Variants in TPP2 observed in about 807,000 individuals in gnomAD.
The protein encoded by TPP2 is tripeptidyl peptidase 2.
TPP2 carries 34 observed loss-of-function variants against 155.9 expected under a neutral mutation model. The ratio of observed to expected loss-of-function variants is 0.22; its 90% CI spans 0.17 to 0.29. The LOEUF is 0.29. Among genes scored for constraint, TPP2 ranks in the 10% least tolerant of loss-of-function variants. The pLI is 1.00. For synonymous variants in TPP2, 510 were observed against 529.4 expected (o/e 0.96, Z 0.50); for missense variants, 1,028 against 1,522.3 (o/e 0.68, Z 5.40).
chr13:102,662,472 C>T (rs1884298061), intron 25 of TPP2, among the ~76,000 whole-genome samples: 1 of 152,066 alleles, frequency 6.6e-6, no homozygotes, highest in Non-Finnish European at 1.5e-5. Context: ...AAATTATTAG[C>T]ATTCCCTAGC....
At chr13:102,606,455 G>T (rs1879838870) in intron 2 of TPP2, among the ~76,000 whole-genome samples, 1 of 152,196 alleles carries the variant, frequency 6.6e-6, no homozygotes, top group Non-Finnish European at 1.5e-5. Context: ...AGGCTCAGCT[G>T]AGGCTCAGGC....
chr13:102,626,979 T>C, intron 6 of TPP2, 33 bp from the exon 7 acceptor site: 1 of 1,483,920 alleles, frequency 6.7e-7, no homozygotes, highest in East Asian at 2.5e-5. Flanking sequence ...TCCATGAGAA[T>C]GTTTTGTCAT....
chr13:102,666,604 A>G (rs1159844553), intron 27 of TPP2, among the ~76,000 whole-genome samples: 1 of 152,034 alleles, frequency 6.6e-6, no homozygotes, highest in Non-Finnish European at 1.5e-5. Context: ...TTTTGTGAAA[A>G]TAATATGATT....
chr13:102,665,049 T>A, intron 27 of TPP2, 124 bp downstream of exon 27: 2 of 1,214,168 alleles, frequency 1.6e-6, no homozygotes, highest in Non-Finnish European at 2.3e-6. Flanking sequence ...TAATGGGAAT[T>A]ATCACTATTT....
At chr13:102,606,621 C>T (rs988504269) in intron 2 of TPP2, among the ~76,000 whole-genome samples, 1 of 152,214 alleles carries the variant, frequency 6.6e-6, no homozygotes, top group Non-Finnish European at 1.5e-5. Context: ...AGTTCAGGCC[C>T]GCTGAGAATC....
chr13:102,655,129 C>T (rs1883770743), intron 24 of TPP2: 2 of 455,344 alleles, frequency 4.4e-6, no homozygotes, highest in African/African-American at 4.0e-5. Flanking sequence ...TTAAATGAGT[C>T]AGTGTGGAGA....
rs1053191857 is a variant in TPP2 at position 102,622,862 on chromosome 13, C to T, written c.621-15C>T. On this transcript the variant is annotated splice_polypyrimidine_tract_variant and intron_variant, in intron 5 of 29. Coordinates refer to ENST00000376052, the MANE Select transcript of TPP2 (RefSeq NM_001330588.2). ...AAAATAAATTTTACTGTCTCCATTT[C>T]TTTTTAATTAATAGAGCCTGCATTG... 8.2e-6 allele frequency: 13 copies of T among 1,588,466 alleles called. 2 individuals carry two copies. In the Middle Eastern group the frequency reaches 5.1e-4, roughly 62 times the overall value.
At chr13:102,609,858 C>T (rs535622139) in intron 2 of TPP2, among the ~76,000 whole-genome samples, 1 of 152,252 alleles carries the variant, frequency 6.6e-6, no homozygotes, top group African/African-American at 2.4e-5. Context: ...AGAGCCAAAC[C>T]ATATCACCTG....
At chr13:102,598,088 T>G (rs893717222) in intron 1 of TPP2, among the ~76,000 whole-genome samples, 2 of 152,214 alleles carry the variant, frequency 1.3e-5, no homozygotes, top group East Asian at 3.8e-4. Context: ...CAGAAGGTAG[T>G]TTTTTTGAAA....
chr13:102,623,680 C>T (rs1436674017), intron 6 of TPP2, among the ~76,000 whole-genome samples: 1 of 152,212 alleles, frequency 6.6e-6, no homozygotes, highest in Non-Finnish European at 1.5e-5. Flanking sequence ...CTCACTACGG[C>T]ACTCTGTGTG....
At chr13:102,643,111 C>A in intron 16 of TPP2, 111 bp from the exon 17 acceptor site, 1 of 1,006,802 alleles carries the variant, frequency 9.9e-7, no homozygotes, top group Non-Finnish European at 1.3e-6. Flanking sequence ...TTTTTGATCC[C>A]TATTATGTCC....
At chr13:102,597,714 A>G (rs1482540335) in intron 1 of TPP2, among the ~76,000 whole-genome samples, 1 of 152,248 alleles carries the variant, frequency 6.6e-6, no homozygotes, top group African/African-American at 2.4e-5. Context: ...CTGACATGTG[A>G]GAACTTAATG....
intron 8 of TPP2, among the ~76,000 whole-genome samples, chr13:102,628,767 T>C (rs1173851000): frequency 6.6e-6 from 1 of 152,218 alleles, no homozygotes; most frequent in African/African-American, 2.4e-5. Context: ...CCTGTTATCA[T>C]GAGTCATTTC....
chr13:102,631,359 C>A (rs1361923636), intron 10 of TPP2: 1 of 152,188 alleles, frequency 6.6e-6, no homozygotes, highest in East Asian at 1.9e-4. Context: ...CCGTGGATAT[C>A]CACATGGATC....
At chr13:102,600,338 C>T (rs1275986854) in intron 1 of TPP2, among the ~76,000 whole-genome samples, 3 of 152,146 alleles carry the variant, frequency 2.0e-5, no homozygotes, top group African/African-American at 7.2e-5. Context: ...AAGATCCAGT[C>T]GGGTCTTGAC....
chr13:102,647,444 A>AT, intron 21 of TPP2, 100 bp downstream of exon 21: 1 of 1,429,088 alleles, frequency 7.0e-7, no homozygotes. Context: ...TTTAAAAAAA[A>AT]CAAAAATTAT....
chr13:102,639,399 G>T (rs562989629), intron 15 of TPP2, among the ~76,000 whole-genome samples: 1 of 152,256 alleles, frequency 6.6e-6, no homozygotes, highest in Admixed American at 6.5e-5. Flanking sequence ...TGGTATACAT[G>T]TGGAAAAATT....
At position 102,642,797 on chromosome 13, in the gene TPP2, A is replaced by C. The variant is rs116017171; in HGVS notation, c.2021-425A>C. Among the ~76,000 whole-genome samples, 797 of 152,338 alleles carry C rather than the reference A, an allele frequency of 5.2e-3. 6 individuals carry two copies. The highest frequency in any genetic ancestry group is 0.018 in the African/African-American group (743 of 41,574). On this transcript the variant is annotated intron_variant, in intron 16 of 29. Coordinates refer to ENST00000376052, the MANE Select transcript of TPP2 (RefSeq NM_001330588.2). ...AGAAGAGAGATTAGGAAAAGTTATCAATGAGGAATTGAGGCATGATAACAA... is the reference window on the plus strand; with the variant it reads ...AGAAGAGAGATTAGGAAAAGTTATCCATGAGGAATTGAGGCATGATAACAA...
In TPP2 at chr13:102,657,150, A is replaced by T. The variant is rs1160469997; in HGVS notation, c.3086A>T (p.Asp1029Val). 1.9e-6 allele frequency: 3 copies of T among 1,599,958 alleles called. No individual in the cohort carries two copies. The highest frequency in any genetic ancestry group is 1.4e-5 in the African/African-American group (1 of 73,854). Residue 1029 changes from aspartate to valine, a missense_variant, in exon 25 of 30, where the codon GAT becomes GTT. Around this residue, in one of 7 missense-constraint regions of TPP2, gnomAD observed 179 missense variants for 274.7 expected, o/e 0.65. Coordinates refer to ENST00000376052, the MANE Select transcript of TPP2 (RefSeq NM_001330588.2). ...DKEKDSEKEKDLKEEFTEALR... is the reference protein window; with the variant it reads ...DKEKDSEKEKVLKEEFTEALR... ...GAAAAAGATTCAGAAAAAGAGAAAGATTTAAAAGAAGAGTTTACTGAAGCA... is the reference window on the plus strand; with the variant it reads ...GAAAAAGATTCAGAAAAAGAGAAAGTTTTAAAAGAAGAGTTTACTGAAGCA...
Sources: gnomAD v4.1 joint callset for allele counts (sites outside exome capture counted in the v4.1 genomes callset) on GRCh38, gnomAD v4.1.1 for gene constraint, gnomAD v4.1.1 regional missense constraint, MANE v1.5 for transcripts, NCBI Gene and HGNC (gene_info 2026-07-23, HGNC 2026-07-21) for gene names.